Variants in ARHGAP22 observed in about 807,000 individuals in gnomAD.
ARHGAP22 encodes the protein rho GTPase-activating protein 22.
A neutral mutation model predicts 59.1 loss-of-function variants in ARHGAP22; 48 were observed. That is an observed-to-expected ratio of 0.81 (90% confidence interval 0.64 to 1.03). The LOEUF is 1.03. Ranked by LOEUF, ARHGAP22 falls within the 50% of genes least tolerant of loss-of-function variation. ARHGAP22 has a pLI of 0.00. For missense variants in ARHGAP22, 1,015 were observed against 958.7 expected, an observed-to-expected ratio of 1.06 and a Z score of -0.78; for synonymous variants, 445 against 416.4, an observed-to-expected ratio of 1.07 and a Z score of -0.84.
At chr10:48,502,872 G>A (rs1034169160) in intron 3 of ARHGAP22, among the ~76,000 whole-genome samples, 12 of 152,358 alleles carry the variant, frequency 7.9e-5, no homozygotes, top group Admixed American at 1.3e-4. Flanking sequence ...GCCCGGTAGC[G>A]GAGACAGGCA....
At chr10:48,593,383 G>C (rs1053594228) in intron 1 of ARHGAP22, among the ~76,000 whole-genome samples, 1 of 152,220 alleles carries the variant, frequency 6.6e-6, no homozygotes, top group African/African-American at 2.4e-5. Context: ...CCCAGTGGAT[G>C]TTCCCAGACC....
At chr10:48,644,644 T>G (rs958251178) in intron 1 of ARHGAP22, among the ~76,000 whole-genome samples, 19 of 152,180 alleles carry the variant, frequency 1.2e-4, no homozygotes, top group African/African-American at 4.3e-4. Flanking sequence ...CCTCAAATAT[T>G]TGGAAGTTGA....
intron 3 of ARHGAP22, chr10:48,524,000 C>A: frequency 7.0e-7 from 1 of 1,427,630 alleles, no homozygotes; most frequent in South Asian, 1.4e-5. Flanking sequence ...GCGGGGCTGG[C>A]AGCCTCTGGC....
At chr10:48,479,964 T>C (rs545026123) in intron 3 of ARHGAP22, among the ~76,000 whole-genome samples, 200 bp from the exon 4 acceptor site, 133 of 152,380 alleles carry the variant, frequency 8.7e-4, no homozygotes, top group African/African-American at 3.0e-3. Flanking sequence ...TTTCTCTTTT[T>C]TCCCTTCGTC....
intron 4 of ARHGAP22, among the ~76,000 whole-genome samples, chr10:48,469,821 G>A (rs1187395518): frequency 1.3e-5 from 2 of 152,192 alleles, no homozygotes; most frequent in Non-Finnish European, 2.9e-5. Flanking sequence ...AACAAGCTGA[G>A]AGACAAAGAT....
chr10:48,459,694 G>C lies in ARHGAP22; in HGVS notation c.649C>G (p.Leu217Val). 1 of 1,614,178 alleles carries C rather than the reference G, an allele frequency of 6.2e-7. No homozygotes were observed. The highest frequency in any genetic ancestry group is 8.5e-7 in the Non-Finnish European group (1 of 1,180,014). ...QDSFDCGEKP[L>V]FDSTTDVHTV... ...CGATCACAAGCTCACCTGTCAAACA[G>C]TGGCTTCTCCCCACAGTCGAAGGAA... is the stretch of plus-strand genomic sequence containing the variant. The change falls in exon 5 of 10, where the codon CTG (leucine) becomes GTG (valine). Residue 217 changes from leucine to valine, a missense_variant. Transcript: ENST00000249601.
downstream of ARHGAP22, among the ~76,000 whole-genome samples, chr10:48,442,243 C>T (rs747040754): frequency 6.6e-6 from 1 of 152,310 alleles, no homozygotes; most frequent in South Asian, 2.1e-4. Context: ...GTCATCTGTC[C>T]TGTGGGAAGC....
At chr10:48,524,026 C>A in intron 3 of ARHGAP22, 1 of 1,462,940 alleles carries the variant, frequency 6.8e-7, no homozygotes, top group Non-Finnish European at 9.0e-7. Flanking sequence ...CCGCAGGGAG[C>A]GGGGCGCACG....
At chr10:48,528,137 G>T (rs1039654968) in intron 3 of ARHGAP22, among the ~76,000 whole-genome samples, 1 of 152,178 alleles carries the variant, frequency 6.6e-6, no homozygotes, top group Admixed American at 6.5e-5. Context: ...TGAAGCCTGT[G>T]CAGCCTGAGC....
intron 3 of ARHGAP22, among the ~76,000 whole-genome samples, chr10:48,494,193 C>T (rs1030523926): frequency 2.6e-5 from 4 of 152,316 alleles, no homozygotes; most frequent in Non-Finnish European, 1.5e-5. Flanking sequence ...GAGAAGCTGA[C>T]GCTCCGTGAG....
intron 2 of ARHGAP22, among the ~76,000 whole-genome samples, chr10:48,578,646 A>G (rs1474268203): frequency 6.7e-6 from 1 of 150,300 alleles, no homozygotes; most frequent in Non-Finnish European, 1.5e-5. Flanking sequence ...CTTTAGCATT[A>G]TTGACAGTGA....
chr10:48,515,593 C>A (rs1472516146), intron 3 of ARHGAP22, among the ~76,000 whole-genome samples: 1 of 152,206 alleles, frequency 6.6e-6, no homozygotes, highest in African/African-American at 2.4e-5. Flanking sequence ...CTGTAGAATG[C>A]TCCACCTAAT....
At chr10:48,510,309 C>T (rs979759984) in intron 3 of ARHGAP22, among the ~76,000 whole-genome samples, 8 of 152,238 alleles carry the variant, frequency 5.3e-5, no homozygotes, top group African/African-American at 1.9e-4. Flanking sequence ...AATCTGCAGA[C>T]ATCAGGGCAG....
chr10:48,541,182 G>A (rs1459992876), intron 3 of ARHGAP22, among the ~76,000 whole-genome samples: 1 of 152,082 alleles, frequency 6.6e-6, no homozygotes, highest in East Asian at 2.0e-4. Context: ...TTCCTGAGCT[G>A]ACAGTTGGAG....
chr10:48,502,386 G>A (rs2134388568), intron 3 of ARHGAP22, among the ~76,000 whole-genome samples: 1 of 152,338 alleles, frequency 6.6e-6, no homozygotes, highest in South Asian at 2.1e-4. Flanking sequence ...GGTGGTCTCT[G>A]CAGTGCAGTC....
the ARHGAP22 span, among the ~76,000 whole-genome samples, chr10:48,434,609 T>C: frequency 6.6e-6 from 1 of 152,194 alleles, no homozygotes; most frequent in Non-Finnish European, 1.5e-5. Context: ...CATTTCTAAA[T>C]GTGGTTCAGA....
At chr10:48,466,724 G>T (rs1282249468) in intron 4 of ARHGAP22, 2 of 148,366 alleles carry the variant, frequency 1.3e-5, no homozygotes, top group African/African-American at 4.9e-5. Context: ...CGGCACGCGC[G>T]CAGGTAGCGT....
intron 1 of ARHGAP22, among the ~76,000 whole-genome samples, chr10:48,613,223 C>T (rs1425010925): frequency 6.6e-6 from 1 of 152,166 alleles, no homozygotes; most frequent in Non-Finnish European, 1.5e-5. Context: ...AGTTTATACT[C>T]ATCATCATGA....
upstream of ARHGAP22, among the ~76,000 whole-genome samples, chr10:48,606,529 A>G (rs946132601): frequency 2.4e-4 from 37 of 151,470 alleles, no homozygotes; most frequent in Admixed American, 2.3e-3. Flanking sequence ...GCATCCATGG[A>G]CTCCTCTCTG....
Sources: allele counts gnomAD v4.1 joint callset (sites outside exome capture counted in the v4.1 genomes callset), GRCh38; gene constraint gnomAD v4.1.1; transcripts MANE v1.5; gene names NCBI Gene and HGNC (gene_info 2026-07-23, HGNC 2026-07-21).